The following RBFOX1 variants were observed in gnomAD, a reference collection of about 807,000 sequenced individuals.
RBFOX1 encodes RNA binding fox-1 homolog 1.
RBFOX1 carries 8 observed loss-of-function variants against 57.7 expected under a neutral mutation model. The ratio of observed to expected loss-of-function variants is 0.14; its 90% confidence interval spans 0.08 to 0.25. The LOEUF (loss-of-function observed/expected upper bound fraction) is 0.25, where lower values mean the gene tolerates loss of function less well. Among genes scored for constraint, RBFOX1 ranks in the 10% least tolerant of loss-of-function variants. The pLI, the probability that RBFOX1 is intolerant of heterozygous loss-of-function variation, is 1.00. For synonymous variants in RBFOX1, 326 were observed against 222.4 expected (o/e 1.47, Z -4.15); for missense variants, 611 against 548.5 (o/e 1.11, Z -1.14).
chr16:7,045,447 G>T (rs566875023), intron 3 of RBFOX1, among the ~76,000 whole-genome samples: 1 of 152,176 alleles, frequency 6.6e-6, no homozygotes, highest in East Asian at 1.9e-4. Flanking sequence ...TTCATTTGAA[G>T]GACAGCATGG....
At chr16:7,587,607 A>G (rs547695792) in intron 7 of RBFOX1, among the ~76,000 whole-genome samples, 3 of 152,222 alleles carry the variant, frequency 2.0e-5, no homozygotes, top group Non-Finnish European at 4.4e-5. Context: ...TATGTTCTTT[A>G]TATTAAAAAG....
chr16:7,596,337 G>A (rs559151978), intron 8 of RBFOX1, among the ~76,000 whole-genome samples: 2 of 151,564 alleles, frequency 1.3e-5, no homozygotes, highest in Admixed American at 6.6e-5. Flanking sequence ...GGGATCTCCC[G>A]CAACATAGCC....
rs893848103 is a variant in RBFOX1 at position 6,097,878 on chromosome 16, C to G, written c.-127+77886C>G. On this transcript the variant is annotated intron_variant, in intron 1 of 15. Transcript: ENST00000550418. This position sits in a 1 kb window ranked among gnomAD's most constrained non-coding sequence, Gnocchi z 5.0. ...GGGGACGTGTCTGATTTGTGCATGG[C>G]TATTTTGCGATTTGCCATTGCTGGA... 1.3e-5 allele frequency among the ~76,000 whole-genome samples: 2 copies of G among 151,816 alleles called. No individual in the cohort carries two copies. The highest frequency in any genetic ancestry group is 4.8e-5 in the African/African-American group (2 of 41,306).
chr16:7,150,023 A>G (rs763935176), intron 4 of RBFOX1, among the ~76,000 whole-genome samples: 15 of 152,236 alleles, frequency 9.9e-5, no homozygotes, highest in African/African-American at 3.6e-4. Context: ...TTCTGACTCA[A>G]CAGAGATTAC....
chr16:6,988,324 GAA>G (rs1249518577), intron 3 of RBFOX1, among the ~76,000 whole-genome samples: 2 of 152,092 alleles, frequency 1.3e-5, no homozygotes, highest in African/African-American at 4.8e-5. Flanking sequence ...CTGTGATGAT[GAA>G]AGTGTTTATA....
intron 3 of RBFOX1, among the ~76,000 whole-genome samples, chr16:5,739,901 T>G (rs903955545): frequency 6.6e-6 from 1 of 152,080 alleles, no homozygotes; most frequent in Non-Finnish European, 1.5e-5. Flanking sequence ...ATGTAAAAAA[T>G]AATAAGAAAA....
chr16:6,749,886 C>T lies in RBFOX1; in HGVS notation c.-16+95236C>T, dbSNP rs181243850. ...CAGGAAACACATTTCTGAAAGACTTCTCCATTTCTACATCCTCAGAATACA... is the reference window on the plus strand; with the variant it reads ...CAGGAAACACATTTCTGAAAGACTTTTCCATTTCTACATCCTCAGAATACA... On this transcript the variant is annotated intron_variant, in intron 3 of 15. Coordinates refer to ENST00000550418, the MANE Select transcript of RBFOX1 (RefSeq NM_018723.4). 1.4e-3 allele frequency among the ~76,000 whole-genome samples: 209 copies of T among 152,290 alleles called. 1 individual carries two copies. The highest frequency in any genetic ancestry group is 5.0e-3 in the African/African-American group (208 of 41,572).
At chr16:6,009,838 A>G (rs1429715947) in intron 4 of RBFOX1, among the ~76,000 whole-genome samples, 1 of 39,172 alleles carries the variant, frequency 2.6e-5, no homozygotes, top group African/African-American at 3.0e-4. Context: ...GTGTGTGTAT[A>G]GGGGGATTTG....
At chr16:6,929,657 A>C (rs999902265) in intron 3 of RBFOX1, among the ~76,000 whole-genome samples, 5 of 152,162 alleles carry the variant, frequency 3.3e-5, no homozygotes, top group African/African-American at 4.8e-5. Context: ...TCTCAGAGTT[A>C]TATCCAGCTT....
intron 1 of RBFOX1, among the ~76,000 whole-genome samples, chr16:6,049,960 T>TTG (rs1306512161): frequency 6.6e-6 from 1 of 151,324 alleles, no homozygotes; most frequent in African/African-American, 2.4e-5. Context: ...TAAAACGTTT[T>TTG]TTTTTTTTTT....
At chr16:5,259,696 T>C (rs1312928445) in intron 1 of RBFOX1, among the ~76,000 whole-genome samples, 2 of 152,192 alleles carry the variant, frequency 1.3e-5, no homozygotes, top group Non-Finnish European at 2.9e-5. Context: ...GTTAATGTGA[T>C]TTATTCTAGT....
intron 14 of RBFOX1, among the ~76,000 whole-genome samples, chr16:7,685,672 T>C (rs755696237): frequency 9.9e-5 from 15 of 152,092 alleles, no homozygotes; most frequent in Non-Finnish European, 2.1e-4. Flanking sequence ...GCAGTGAATA[T>C]ATAGAGGCAG....
chr16:6,482,970 T>G (rs1323381397), intron 2 of RBFOX1, among the ~76,000 whole-genome samples: 1 of 152,198 alleles, frequency 6.6e-6, no homozygotes, highest in African/African-American at 2.4e-5. Flanking sequence ...GGTGCCCTAT[T>G]CTGTCATGTG....
At chr16:7,125,544 C>G (rs1193565744) in intron 4 of RBFOX1, among the ~76,000 whole-genome samples, 1 of 152,122 alleles carries the variant, frequency 6.6e-6, no homozygotes, top group African/African-American at 2.4e-5. Context: ...TTTTTGATAA[C>G]TTATGATGTG....
intron 2 of RBFOX1, among the ~76,000 whole-genome samples, chr16:6,524,761 C>T (rs1158988046): frequency 6.6e-6 from 1 of 152,142 alleles, no homozygotes; most frequent in African/African-American, 2.4e-5. Context: ...CGTTGGTTGT[C>T]AGCATCCTTG....
At chr16:6,491,332 C>T (rs1032919295) in intron 2 of RBFOX1, among the ~76,000 whole-genome samples, 5 of 151,944 alleles carry the variant, frequency 3.3e-5, no homozygotes, top group African/African-American at 1.2e-4. Flanking sequence ...TTAAGGTGAG[C>T]CTCCTTTTAG....
intron 4 of RBFOX1, among the ~76,000 whole-genome samples, chr16:7,225,905 A>AATCAATAAATATATATATATATATATAT (rs1555600462): frequency 0.012 from 1,157 of 93,508 alleles, 35 homozygotes; most frequent in African/African-American, 0.045. Flanking sequence ...AAGTATAATA[A>AATCAATAAATATATATATATATATATAT]ATATATATAT....
chr16:7,355,916 C>T (rs957163340), intron 4 of RBFOX1, among the ~76,000 whole-genome samples: 5 of 152,168 alleles, frequency 3.3e-5, no homozygotes, highest in Non-Finnish European at 5.9e-5. Flanking sequence ...GGCAATCTGC[C>T]GGAGGCAAAA....
rs543927944 is a variant in RBFOX1, at chr16:7,131,884, A to AG, written c.27+79791dup. Among the ~76,000 whole-genome samples, 42 of 152,142 alleles carry AG rather than the reference A, an allele frequency of 2.8e-4. No homozygotes were observed. In the East Asian group the frequency reaches 7.8e-3, roughly 28 times the overall value. On this transcript the variant is annotated intron_variant, in intron 4 of 15. Transcript: ENST00000550418. ...TCCAGAGGGGCACATCTTAGCTTCT[A>AG]GGGGGTGAGAGGCTTCCCAGTATCT...
Sources: gnomAD v4.1 joint callset for allele counts (sites outside exome capture counted in the v4.1 genomes callset) on GRCh38, gnomAD v4.1.1 for gene constraint, Gnocchi (gnomAD v3.1) non-coding constraint, MANE v1.5 for transcripts, NCBI Gene and HGNC (gene_info 2026-07-23, HGNC 2026-07-21) for gene names.